Variants in CDH18 observed in about 807,000 individuals in gnomAD.
The protein encoded by CDH18 is cadherin-18.
In CDH18, 31 loss-of-function variants were observed where a neutral mutation model predicts 67.9. The ratio of observed to expected loss-of-function variants is 0.46; its 90% CI spans 0.34 to 0.62. The LOEUF (loss-of-function observed/expected upper bound fraction) is 0.62. Among genes scored for constraint, CDH18 ranks in the 20% least tolerant of loss-of-function variants. The pLI is 0.01. For missense variants in CDH18, 890 were observed against 975.5 expected, an observed-to-expected ratio of 0.91 and a Z score of 1.17; for synonymous variants, 362 against 347.2, an observed-to-expected ratio of 1.04 and a Z score of -0.48.
intron 1 of CDH18, among the ~76,000 whole-genome samples, chr5:20,286,019 T>A (rs1746671758): frequency 6.6e-6 from 1 of 151,318 alleles, no homozygotes; most frequent in South Asian, 2.1e-4. Flanking sequence ...CAAAGGCTCA[T>A]TTTTTTTAAG....
intron 4 of CDH18, among the ~76,000 whole-genome samples, chr5:19,730,478 A>C (rs1342454192): frequency 6.6e-6 from 1 of 152,188 alleles, no homozygotes; most frequent in Non-Finnish European, 1.5e-5. Context: ...GATTCTTTTC[A>C]GTTTCAAGAA....
At chr5:20,389,725 T>G (rs887758313) in intron 1 of CDH18, among the ~76,000 whole-genome samples, 9 of 152,136 alleles carry the variant, frequency 5.9e-5, no homozygotes, top group Admixed American at 1.3e-4. Context: ...TCACGCTACC[T>G]GACTTCAAAC....
At chr5:19,864,317 G>A (rs7445318) in intron 2 of CDH18, among the ~76,000 whole-genome samples, 42,612 of 145,656 alleles carry the variant, frequency 0.29, 7,441 homozygotes, top group South Asian at 0.4. Flanking sequence ...TCATAGGTGG[G>A]AATTGAACAA....
chr5:20,222,840 T>C lies in CDH18; in HGVS notation c.-518+32604A>G, dbSNP rs184906482. On this transcript the variant is annotated intron_variant, in intron 2 of 14. Transcript: ENST00000507958. Reference sequence around the variant, plus strand: ...TTCTTTAAATAGCCTGATTTCCTCATAGTCATTCATTCTTGAGTTTACATT... The same window carrying C: ...TTCTTTAAATAGCCTGATTTCCTCACAGTCATTCATTCTTGAGTTTACATT... Among the ~76,000 whole-genome samples the C allele has an allele frequency of 7.6e-4, 116 of 152,228 alleles. No individual in the cohort carries two copies. In the Middle Eastern group the frequency reaches 0.014, roughly 18 times the overall value.
chr5:20,256,668 A>G (rs1744255799), intron 1 of CDH18, among the ~76,000 whole-genome samples: 1 of 152,092 alleles, frequency 6.6e-6, no homozygotes, highest in Non-Finnish European at 1.5e-5. Flanking sequence ...CCTAAATGCT[A>G]TAAAGACAGA....
chr5:19,598,358 A>C (rs1264943598), intron 6 of CDH18, among the ~76,000 whole-genome samples: 1 of 152,174 alleles, frequency 6.6e-6, no homozygotes, highest in Non-Finnish European at 1.5e-5. Context: ...TTCTGTTAAA[A>C]TATTCAAAGG....
chr5:20,192,783 A>G (rs749779370), intron 2 of CDH18, among the ~76,000 whole-genome samples: 6 of 152,078 alleles, frequency 3.9e-5, no homozygotes, highest in Non-Finnish European at 8.8e-5. Flanking sequence ...GTCAGGTAGC[A>G]TGATGCCTCC....
intron 1 of CDH18, among the ~76,000 whole-genome samples, chr5:20,263,883 A>G (rs1245258905): frequency 6.6e-6 from 1 of 152,108 alleles, no homozygotes; most frequent in African/African-American, 2.4e-5. Context: ...TTCATTGTTT[A>G]CTACTAGCTA....
chr5:19,999,723 G>T (rs1016442185), intron 2 of CDH18, among the ~76,000 whole-genome samples: 11 of 152,122 alleles, frequency 7.2e-5, no homozygotes, highest in African/African-American at 2.7e-4. Context: ...AGTGCAAAAT[G>T]AAAATGTCGG....
chr5:20,031,195 C>T (rs147840628), intron 2 of CDH18, among the ~76,000 whole-genome samples: 71 of 152,076 alleles, frequency 4.7e-4, no homozygotes, highest in African/African-American at 1.6e-3. Flanking sequence ...TTCTGCTTTA[C>T]GTTGGACTTA....
intron 2 of CDH18, among the ~76,000 whole-genome samples, chr5:20,025,042 C>T (rs776554145): frequency 1.4e-4 from 22 of 152,296 alleles, no homozygotes; most frequent in Admixed American, 3.9e-4. Flanking sequence ...CCATATCTTT[C>T]GTAACATATC....
chr5:20,125,511 T>C (rs1171266909), intron 2 of CDH18, among the ~76,000 whole-genome samples: 2 of 152,176 alleles, frequency 1.3e-5, no homozygotes, highest in Non-Finnish European at 2.9e-5. Context: ...TATATTCTTA[T>C]ATTTCATTGG....
intron 1 of CDH18, among the ~76,000 whole-genome samples, chr5:20,298,584 A>G (rs1323693910): frequency 6.6e-6 from 1 of 152,156 alleles, no homozygotes; most frequent in African/African-American, 2.4e-5. Context: ...TGGCTCTCAA[A>G]ATAGGGTTAA....
At chr5:19,933,162 T>C (rs1793892042) in intron 2 of CDH18, among the ~76,000 whole-genome samples, 1 of 151,510 alleles carries the variant, frequency 6.6e-6, no homozygotes, top group Admixed American at 6.6e-5. Flanking sequence ...AGGTTGATGA[T>C]CATATTTCCC....
rs183126586 is a variant in CDH18 at position 20,050,290 on chromosome 5, G to T, written c.-517-58276C>A. Among the ~76,000 whole-genome samples, 178 of 151,864 alleles carry T rather than the reference G, an allele frequency of 1.2e-3. 1 individual carries two copies. The highest frequency in any genetic ancestry group is 4.2e-3 in the African/African-American group (173 of 41,524). On this transcript the variant is annotated intron_variant, in intron 2 of 14. Transcript: ENST00000507958. ...AATAGTTACTCTCTATTTGATTTGGGTATGCTGTAGCCAAATAGATGTGAC... is the reference window on the plus strand; with the variant it reads ...AATAGTTACTCTCTATTTGATTTGGTTATGCTGTAGCCAAATAGATGTGAC...
chr5:19,711,687 G>A (rs1027685713), intron 5 of CDH18, among the ~76,000 whole-genome samples: 3 of 143,306 alleles, frequency 2.1e-5, no homozygotes, highest in Non-Finnish European at 4.5e-5. Context: ...TGGAAACACC[G>A]CAGAGAAAAG....
intron 1 of CDH18, among the ~76,000 whole-genome samples, chr5:20,309,360 G>C (rs1025709162): frequency 5.9e-5 from 9 of 152,010 alleles, no homozygotes; most frequent in African/African-American, 2.2e-4. Flanking sequence ...CTATGCCCTC[G>C]TCCCCGTGGC....
At chr5:20,345,818 C>T (rs1215218581) in intron 1 of CDH18, among the ~76,000 whole-genome samples, 2 of 152,028 alleles carry the variant, frequency 1.3e-5, no homozygotes, top group Non-Finnish European at 2.9e-5. Context: ...GTAGTCCTTC[C>T]ATTTCAGCCC....
intron 3 of CDH18, among the ~76,000 whole-genome samples, chr5:19,785,380 C>T (rs559413364): frequency 5.3e-5 from 8 of 151,488 alleles, no homozygotes; most frequent in African/African-American, 1.5e-4. Context: ...AGGCCAGGCG[C>T]GGTGGCTCAT....
Sources: allele counts gnomAD v4.1 joint callset (sites outside exome capture counted in the v4.1 genomes callset), GRCh38; gene constraint gnomAD v4.1.1; transcripts MANE v1.5; gene names NCBI Gene and HGNC (gene_info 2026-07-23, HGNC 2026-07-21).